The following ANXA2 variants were observed in gnomAD, a reference collection of about 807,000 sequenced individuals.
The protein encoded by ANXA2 is annexin A2, also known as annexin II.
In ANXA2, 28 loss-of-function variants were observed where a neutral mutation model predicts 47.3. The ratio of observed to expected loss-of-function variants is 0.59; its 90% CI spans 0.44 to 0.81. The LOEUF (loss-of-function observed/expected upper bound fraction) is 0.81, where lower values mean the gene tolerates loss of function less well. Ranked by LOEUF, ANXA2 falls within the 40% of genes least tolerant of loss-of-function variation. The probability of loss-of-function intolerance (pLI) is 0.00; values close to 1 mark genes in which losing one functional copy is unlikely to be tolerated. For missense variants in ANXA2, 384 were observed against 414.3 expected (o/e 0.93, Z 0.64); for synonymous variants, 172 against 155.5 (o/e 1.11, Z -0.79).
chr15:60,389,296 A>T (rs1431950427), intron 1 of ANXA2, among the ~76,000 whole-genome samples: 1 of 152,244 alleles, frequency 6.6e-6, no homozygotes, highest in Non-Finnish European at 1.5e-5. Flanking sequence ...CTTAGAGAGT[A>T]TAGATTAAAT....
intron 5 of ANXA2, among the ~76,000 whole-genome samples, chr15:60,358,914 T>G (rs2062472389): frequency 6.6e-6 from 1 of 152,208 alleles, no homozygotes; most frequent in African/African-American, 2.4e-5. Flanking sequence ...TGGTAATATC[T>G]GAGAATTCCA....
intron 1 of ANXA2, chr15:60,397,160 G>A (rs2063091059): frequency 1.5e-6 from 1 of 649,202 alleles, no homozygotes; most frequent in Non-Finnish European, 1.9e-6. Context: ...GAGAGGCCCC[G>A]GGGCCACGCC....
chr15:60,394,298 A>G (rs1283095482), intron 1 of ANXA2, among the ~76,000 whole-genome samples: 1 of 152,216 alleles, frequency 6.6e-6, no homozygotes, highest in Non-Finnish European at 1.5e-5. Flanking sequence ...AAAGGGCTCC[A>G]TAACACAGTC....
chr15:60,392,919 C>T, intron 1 of ANXA2: 1 of 963,964 alleles, frequency 1.0e-6, no homozygotes, highest in Non-Finnish European at 1.3e-6. Context: ...ACACAGTCTA[C>T]AGGCCACACT....
intron 6 of ANXA2, among the ~76,000 whole-genome samples, chr15:60,356,228 A>T (rs1454413419): frequency 6.6e-6 from 1 of 152,148 alleles, no homozygotes; most frequent in African/African-American, 2.4e-5. Flanking sequence ...GCTAGATCAA[A>T]TCAGGGATCC....
chr15:60,396,272 C>G (rs1257215816), intron 1 of ANXA2: 2 of 152,098 alleles, frequency 1.3e-5, no homozygotes, highest in Non-Finnish European at 2.9e-5. Context: ...GCTCTTAGGA[C>G]CACCAACCAT....
intron 1 of ANXA2, chr15:60,393,531 T>A (rs2063041962): frequency 2.0e-6 from 2 of 987,302 alleles, no homozygotes; most frequent in African/African-American, 3.5e-5. Flanking sequence ...CACACACACA[T>A]GCATACACGC....
rs747214524 is a variant in ANXA2, at chr15:60,351,778, C to T, written c.724G>A (p.Glu242Lys). 10 of 1,613,744 alleles carry T rather than the reference C, an allele frequency of 6.2e-6. No individual in the cohort carries two copies. The change falls in exon 10 of 13, where the codon GAA becomes AAA. Residue 242 changes from glutamate to lysine, a missense_variant. Coordinates refer to ENST00000451270, the MANE Select transcript of ANXA2 (RefSeq NM_004039.3). ...CCTTTAACCTCTTTCCTGATGCTTT[C>T]CAACATGTCATAAGGGCTGTAACTC... ...YKSYSPYDML[E>K]SIRKEVKGDL...
intron 12 of ANXA2, 83 bp from the exon 13 acceptor site, chr15:60,347,772 ACAATGAAG>A: frequency 8.4e-7 from 1 of 1,196,932 alleles, no homozygotes; most frequent in Non-Finnish European, 1.2e-6. Context: ...GCCTCAACGC[ACAATGAAG>A]CTTCTCCCAT....
intron 3 of ANXA2, among the ~76,000 whole-genome samples, chr15:60,375,466 T>C (rs887152025): frequency 9.2e-5 from 14 of 152,246 alleles, no homozygotes; most frequent in Admixed American, 7.2e-4. Context: ...CTCTCCTTTC[T>C]AGTTATTTGG....
intron 1 of ANXA2, 47 bp downstream of exon 1, chr15:60,397,896 C>G (rs769309539): frequency 9.6e-6 from 13 of 1,350,458 alleles, no homozygotes; most frequent in Non-Finnish European, 1.2e-5. Flanking sequence ...CTCCACACCC[C>G]GCTAGCTGGC....
At chr15:60,349,465 CA>C (rs1395697491) in intron 11 of ANXA2, among the ~76,000 whole-genome samples, 1 of 152,120 alleles carries the variant, frequency 6.6e-6, no homozygotes, top group Non-Finnish European at 1.5e-5. Context: ...AAATGAATCT[CA>C]AGTTTAGACT....
chr15:60,379,035 C>G (rs993696134), intron 3 of ANXA2, among the ~76,000 whole-genome samples: 1 of 151,890 alleles, frequency 6.6e-6, no homozygotes, highest in African/African-American at 2.4e-5. Flanking sequence ...AATCCCAGCA[C>G]TTTGGGAGGC....
chr15:60,374,620 A>G, intron 3 of ANXA2: 2 of 456,118 alleles, frequency 4.4e-6, no homozygotes, highest in Non-Finnish European at 4.4e-6. Context: ...GATGCTTACA[A>G]TTAGAAAGGC....
intron 9 of ANXA2, 99 bp from the exon 10 acceptor site, chr15:60,351,918 TGAGG>T: frequency 1.2e-6 from 1 of 848,106 alleles, no homozygotes; most frequent in Non-Finnish European, 1.9e-6. Flanking sequence ...TTTTAAAAAT[TGAGG>T]ATGATCACAG....
intron 3 of ANXA2, among the ~76,000 whole-genome samples, chr15:60,373,988 C>T (rs1259598260): frequency 1.3e-5 from 2 of 152,324 alleles, no homozygotes; most frequent in South Asian, 4.1e-4. Flanking sequence ...AGGCATTGCA[C>T]AGGGTGAAAT....
intron 3 of ANXA2, among the ~76,000 whole-genome samples, chr15:60,364,814 G>A (rs1291311391): frequency 6.6e-6 from 1 of 151,868 alleles, no homozygotes; most frequent in East Asian, 1.9e-4. Context: ...ATCAACAGTA[G>A]GAGGTGCATA....
chr15:60,385,893 G>T, intron 2 of ANXA2, 135 bp downstream of exon 2: 1 of 600,554 alleles, frequency 1.7e-6, no homozygotes, highest in Non-Finnish European at 2.9e-6. Context: ...GAAGTATTAA[G>T]AAAGAGGAGA....
intron 1 of ANXA2, chr15:60,397,239 G>C: frequency 1.0e-6 from 1 of 979,730 alleles, no homozygotes; most frequent in African/African-American, 1.7e-5. Context: ...CCTCCCCACA[G>C]AATCATGGGG....
Sources: allele counts gnomAD v4.1 joint callset (sites outside exome capture counted in the v4.1 genomes callset), GRCh38; gene constraint gnomAD v4.1.1; transcripts MANE v1.5; gene names NCBI Gene and HGNC (gene_info 2026-07-23, HGNC 2026-07-21).